PTPRK: variants seen among roughly 807,000 people sequenced by gnomAD.
The protein encoded by PTPRK is receptor-type tyrosine-protein phosphatase kappa.
PTPRK carries 75 observed loss-of-function variants against 178.0 expected under a neutral mutation model. The ratio of observed to expected loss-of-function variants is 0.42; its 90% confidence interval spans 0.35 to 0.51. The LOEUF is 0.51. PTPRK is among the 20% of genes least tolerant of loss of function. The pLI, the probability that PTPRK is intolerant of heterozygous loss-of-function variation, is 0.02. For missense variants in PTPRK, 1,441 were observed against 1,797.8 expected, an observed-to-expected ratio of 0.80 and a Z score of 3.59; for synonymous variants, 637 against 620.6, an observed-to-expected ratio of 1.03 and a Z score of -0.39.
At position 128,099,192 on chromosome 6, in the gene PTPRK, A is replaced by T. The variant is rs532133779; in HGVS notation, c.1163-9200T>A. Among the ~76,000 whole-genome samples the T allele has an allele frequency of 9.6e-4, 144 of 149,398 alleles. 1 individual carries two copies. The highest frequency in any genetic ancestry group is 2.9e-3 in the African/African-American group (118 of 40,536). On this transcript the variant is annotated intron_variant, in intron 7 of 29. Coordinates refer to ENST00000368226, the MANE Select transcript of PTPRK (RefSeq NM_002844.4). The stretch of plus-strand genomic sequence containing the variant: ...AAATAATACATTTATATATATATAT[A>T]TATATTTTTTCTTTTTTATCCAAAT...
chr6:128,079,442 A>G (rs970178112), intron 10 of PTPRK, among the ~76,000 whole-genome samples: 1 of 152,070 alleles, frequency 6.6e-6, no homozygotes, highest in Non-Finnish European at 1.5e-5. Context: ...AAGTGTGGTA[A>G]ATGATAATGG....
At chr6:128,418,753 G>A (rs1843116817) in intron 1 of PTPRK, among the ~76,000 whole-genome samples, 1 of 152,132 alleles carries the variant, frequency 6.6e-6, no homozygotes, top group South Asian at 2.1e-4. Context: ...AAAGCAGCAA[G>A]GGGGAAACTG....
At chr6:128,428,108 A>G (rs1844393175) in intron 1 of PTPRK, among the ~76,000 whole-genome samples, 1 of 152,158 alleles carries the variant, frequency 6.6e-6, no homozygotes, top group Non-Finnish European at 1.5e-5. Context: ...AAAGAAAAAA[A>G]AAGTTTGGCA....
At chr6:128,457,691 T>C (rs151237681) in intron 1 of PTPRK, among the ~76,000 whole-genome samples, 1 of 152,284 alleles carries the variant, frequency 6.6e-6, no homozygotes, top group African/African-American at 2.4e-5. Flanking sequence ...TTAATAGTCA[T>C]TTATGCATTC....
intron 7 of PTPRK, among the ~76,000 whole-genome samples, chr6:128,127,783 G>A (rs980112258): frequency 2.0e-5 from 3 of 152,150 alleles, no homozygotes; most frequent in Non-Finnish European, 4.4e-5. Context: ...ATAATGATTG[G>A]TGTACTCCAT....
intron 2 of PTPRK, among the ~76,000 whole-genome samples, chr6:128,351,404 A>T (rs974176099): frequency 6.6e-6 from 1 of 152,210 alleles, no homozygotes; most frequent in African/African-American, 2.4e-5. Flanking sequence ...TAAATATCTG[A>T]AGGAACATTT....
intron 7 of PTPRK, among the ~76,000 whole-genome samples, chr6:128,105,759 C>T (rs1255187613): frequency 2.0e-5 from 3 of 152,182 alleles, no homozygotes; most frequent in Admixed American, 2.0e-4. Flanking sequence ...CCATTTAATG[C>T]ACATTAAACA....
chr6:128,082,014 G>A (rs1329495248), intron 10 of PTPRK, among the ~76,000 whole-genome samples: 2 of 151,982 alleles, frequency 1.3e-5, no homozygotes, highest in Non-Finnish European at 2.9e-5. Flanking sequence ...TTATCATAAT[G>A]TCAGGGAAAA....
At chr6:128,481,230 C>A (rs1852031159) in intron 1 of PTPRK, among the ~76,000 whole-genome samples, 1 of 151,922 alleles carries the variant, frequency 6.6e-6, no homozygotes, top group South Asian at 2.1e-4. Flanking sequence ...TAATTTCATT[C>A]AGCTGTTAAC....
intron 5 of PTPRK, among the ~76,000 whole-genome samples, chr6:128,228,884 A>G (rs901259818): frequency 4.6e-5 from 7 of 152,264 alleles, no homozygotes; most frequent in African/African-American, 1.7e-4. Flanking sequence ...GACTGACTGT[A>G]CCTATTCTGT....
intron 1 of PTPRK, among the ~76,000 whole-genome samples, chr6:128,444,991 C>T (rs1376994338): frequency 6.6e-6 from 1 of 151,644 alleles, no homozygotes; most frequent in African/African-American, 2.4e-5. Flanking sequence ...AATATACTTA[C>T]ATATAAAGTA....
chr6:128,448,980 C>T (rs1239471724), intron 1 of PTPRK, among the ~76,000 whole-genome samples: 2 of 152,124 alleles, frequency 1.3e-5, no homozygotes, highest in African/African-American at 2.4e-5. Flanking sequence ...CTGCCTCAGC[C>T]TCCTGAGTAG....
chr6:128,129,436 C>T (rs1162571451), intron 7 of PTPRK, among the ~76,000 whole-genome samples: 1 of 152,144 alleles, frequency 6.6e-6, no homozygotes, highest in Non-Finnish European at 1.5e-5. Flanking sequence ...CACCCATTAG[C>T]TTTGATCACC....
At chr6:128,096,808 A>G (rs1314603023) in intron 7 of PTPRK, among the ~76,000 whole-genome samples, 1 of 152,196 alleles carries the variant, frequency 6.6e-6, no homozygotes, top group African/African-American at 2.4e-5. Flanking sequence ...GCCAGAGAAA[A>G]TATTTGTTAG....
At chr6:128,348,472 C>T (rs1832702567) in intron 2 of PTPRK, among the ~76,000 whole-genome samples, 1 of 151,858 alleles carries the variant, frequency 6.6e-6, no homozygotes, top group South Asian at 2.1e-4. Flanking sequence ...TTCCCCAAAT[C>T]TTTAAAATAT....
At chr6:128,487,952 G>T (rs533483506) in intron 1 of PTPRK, among the ~76,000 whole-genome samples, 1 of 152,260 alleles carries the variant, frequency 6.6e-6, no homozygotes, top group South Asian at 2.1e-4. Flanking sequence ...AGAACTAATA[G>T]GATAGTTGTA....
chr6:128,313,574 G>A (rs1271156291), intron 3 of PTPRK, among the ~76,000 whole-genome samples: 3 of 152,008 alleles, frequency 2.0e-5, no homozygotes. Context: ...AGCCATTTCA[G>A]GACATACATA....
intron 1 of PTPRK, among the ~76,000 whole-genome samples, chr6:128,449,809 A>T (rs1847522478): frequency 6.6e-6 from 1 of 152,112 alleles, no homozygotes; most frequent in African/African-American, 2.4e-5. Flanking sequence ...AGAACTCTAT[A>T]AGCTGGCTGG....
chr6:128,369,448 T>C (rs189746085), intron 2 of PTPRK, among the ~76,000 whole-genome samples: 54 of 152,240 alleles, frequency 3.5e-4, no homozygotes, highest in Admixed American at 9.8e-4. Flanking sequence ...GTCTGATAAA[T>C]AGGAGTTTAA....
Sources: allele counts gnomAD v4.1 joint callset (sites outside exome capture counted in the v4.1 genomes callset), GRCh38; gene constraint gnomAD v4.1.1; transcripts MANE v1.5; gene names NCBI Gene and HGNC (gene_info 2026-07-23, HGNC 2026-07-21).